Variants in CAPS2 observed in about 807,000 individuals in gnomAD.
CAPS2 encodes the protein calcyphosine 2, also known as calcyphosin-2.
In CAPS2, 98 loss-of-function variants were observed where a neutral mutation model predicts 86.5. That is an observed-to-expected ratio of 1.13 (90% CI 0.96 to 1.34). The LOEUF (loss-of-function observed/expected upper bound fraction) is 1.34, where lower values mean the gene tolerates loss of function less well. Among genes scored for constraint, CAPS2 ranks in the 40% most tolerant of loss-of-function variants. CAPS2 has a pLI of 0.00. For synonymous variants in CAPS2, 210 were observed against 225.1 expected (o/e 0.93, Z 0.60); for missense variants, 729 against 686.8 (o/e 1.06, Z -0.69).
chr12:75,362,365 A>C (rs1213616582), intron 1 of CAPS2, among the ~76,000 whole-genome samples: 1 of 152,172 alleles, frequency 6.6e-6, no homozygotes, highest in Non-Finnish European at 1.5e-5. Flanking sequence ...TGCTGGGGAC[A>C]ATGTGAGGGC....
At chr12:75,366,604 G>A (rs1374564126) in intron 1 of CAPS2, among the ~76,000 whole-genome samples, 3 of 151,772 alleles carry the variant, frequency 2.0e-5, no homozygotes, top group African/African-American at 7.3e-5. Flanking sequence ...ACCTCAAAGT[G>A]GATCATTCTT....
At chr12:75,276,025 G>A, downstream of CAPS2, 1 of 510,052 alleles carries the variant, frequency 2.0e-6, no homozygotes, top group South Asian at 3.3e-5. Flanking sequence ...CAAGAAATCA[G>A]TTTACCTCAG....
At chr12:75,276,765 G>A (rs2033007005), downstream of CAPS2, 1 of 868,088 alleles carries the variant, frequency 1.2e-6, no homozygotes, top group African/African-American at 1.8e-5. Context: ...TAGCATACAA[G>A]CAAGTAACTT....
At chr12:75,349,274 T>C (rs2042651971) in intron 1 of CAPS2, among the ~76,000 whole-genome samples, 1 of 152,178 alleles carries the variant, frequency 6.6e-6, no homozygotes, top group Non-Finnish European at 1.5e-5. Flanking sequence ...AGGATCAAAA[T>C]GTTCCCATGT....
At chr12:75,303,896 T>G (rs1227890661) in intron 8 of CAPS2, among the ~76,000 whole-genome samples, 1 of 152,100 alleles carries the variant, frequency 6.6e-6, no homozygotes, top group African/African-American at 2.4e-5. Context: ...TATTGAAGAC[T>G]TTGAAGATGG....
At chr12:75,278,814 T>C in exon 17 of CAPS2, 1 of 1,345,850 alleles carries the variant, frequency 7.4e-7, no homozygotes, top group African/African-American at 1.5e-5. Context: ...TATATTCCAG[T>C]GTTTGATCAT....
At chr12:75,291,763 C>G in exon 13 of CAPS2, 1 of 1,562,952 alleles carries the variant, frequency 6.4e-7, no homozygotes, top group Non-Finnish European at 8.7e-7. Flanking sequence ...CTTTGAAGAC[C>G]AGCCTATCAT....
Position 75,347,496 on chromosome 12 carries a change from T to A in CAPS2, c.-394-24274A>T, listed in dbSNP as rs181927291. 6.4e-5 allele frequency: 28 copies of A among 439,400 alleles called. No homozygotes were observed. In the Admixed American group the frequency reaches 8.1e-4, roughly 13 times the overall value. 27.2% of individuals were successfully genotyped at this position (439,400 alleles called of 1,614,324 possible). On this transcript the variant is annotated intron_variant, in intron 1 of 5. Transcript: ENST00000551829. Reference sequence around the variant, plus strand: ...ATAAATATAAACATTAGAAAAAATATGTAACTAATAAATATTTATGTACAT... The same window carrying A: ...ATAAATATAAACATTAGAAAAAATAAGTAACTAATAAATATTTATGTACAT...
chr12:75,314,491 A>G (rs1417093519), intron 6 of CAPS2, among the ~76,000 whole-genome samples: 2 of 152,168 alleles, frequency 1.3e-5, no homozygotes, highest in East Asian at 3.8e-4. Context: ...TGTCCTATAT[A>G]AAGCTTATGT....
At chr12:75,326,281 G>A in intron 1 of CAPS2, 137 bp downstream of exon 2, 2 of 421,378 alleles carry the variant, frequency 4.7e-6, no homozygotes, top group East Asian at 3.3e-5. Flanking sequence ...TTCAATTTTG[G>A]TGGTTCCATT....
chr12:75,389,420 T>A (rs562263253), intron 1 of CAPS2, among the ~76,000 whole-genome samples: 63 of 152,306 alleles, frequency 4.1e-4, no homozygotes, highest in Non-Finnish European at 8.1e-4. Context: ...AAGAAAAGGA[T>A]GTGATGATCA....
intron 1 of CAPS2, among the ~76,000 whole-genome samples, chr12:75,356,719 G>A (rs2043178705): frequency 1.3e-5 from 2 of 151,982 alleles, no homozygotes; most frequent in Admixed American, 6.6e-5. Context: ...AAATTTAAAT[G>A]GTATAAATGC....
At chr12:75,362,506 A>G (rs1216774615) in intron 1 of CAPS2, among the ~76,000 whole-genome samples, 1 of 152,192 alleles carries the variant, frequency 6.6e-6, no homozygotes, top group Non-Finnish European at 1.5e-5. Flanking sequence ...CAATGGAAGA[A>G]TATGTAACTA....
At chr12:75,386,106 G>A (rs1258967743) in intron 1 of CAPS2, among the ~76,000 whole-genome samples, 2 of 152,106 alleles carry the variant, frequency 1.3e-5, no homozygotes, top group African/African-American at 2.4e-5. Flanking sequence ...TTGATTTAAT[G>A]TAACCCCAAT....
In CAPS2 at chr12:75,296,796, T is replaced by A. The variant is rs2036975043; in HGVS notation, c.1044+1891A>T. On this transcript the variant is annotated intron_variant, in intron 11 of 16. Transcript: ENST00000393284. ...AAAAAAGAGGGATAGGGTTGAATAT[T>A]TCTGCATAAAACAATAGAAGATTGG... Among the ~76,000 whole-genome samples the A allele has an allele frequency of 2.0e-5, 3 of 152,176 alleles. No homozygotes were observed. In the South Asian group the frequency reaches 6.2e-4, roughly 31 times the overall value.
At position 75,305,955 on chromosome 12, in the gene CAPS2, T is replaced by C. The variant is rs989536716; in HGVS notation, c.660-1079A>G. On this transcript the variant is annotated intron_variant, in intron 7 of 16. Transcript: ENST00000393284. ...TGAAAGCGCTGGAGCCCGAGGAGCA[T>C]GGACAGGGTGGCTCTGAGCAACAGC... 7.5e-6 allele frequency: 9 copies of C among 1,207,604 alleles called. No homozygotes were observed. In the African/African-American group the frequency reaches 8.0e-5, roughly 11 times the overall value. 74.8% of individuals were successfully genotyped at this position (1,207,604 alleles called of 1,614,324 possible).
intron 2 of CAPS2, among the ~76,000 whole-genome samples, chr12:75,324,885 C>T (rs1013931936): frequency 6.6e-6 from 1 of 151,914 alleles, no homozygotes; most frequent in South Asian, 2.1e-4. Context: ...CATAATTATC[C>T]TTAAATTGAT....
At chr12:75,383,547 T>C (rs1381993746) in intron 1 of CAPS2, among the ~76,000 whole-genome samples, 2 of 152,102 alleles carry the variant, frequency 1.3e-5, no homozygotes, top group African/African-American at 2.4e-5. Context: ...ACAAAACTGA[T>C]AGAATGACAA....
intron 1 of CAPS2, among the ~76,000 whole-genome samples, chr12:75,380,580 T>C (rs1222182024): frequency 1.3e-5 from 2 of 152,368 alleles, no homozygotes; most frequent in Middle Eastern, 6.8e-3. Context: ...TTATTAAGCA[T>C]GCATAATATC....
Sources: gnomAD v4.1 joint callset for allele counts (sites outside exome capture counted in the v4.1 genomes callset) on GRCh38, gnomAD v4.1.1 for gene constraint, MANE v1.5 for transcripts, NCBI Gene and HGNC (gene_info 2026-07-23, HGNC 2026-07-21) for gene names.